The following UVRAG variants were observed in gnomAD, a reference collection of about 807,000 sequenced individuals.
UVRAG encodes the protein UV radiation resistance-associated gene protein.
In UVRAG, 19 loss-of-function variants were observed where a neutral mutation model predicts 78.0. That is an observed-to-expected ratio of 0.24 (90% CI 0.17 to 0.36). UVRAG has a LOEUF of 0.36. UVRAG is among the 10% of genes least tolerant of loss of function. The pLI, the probability that UVRAG is intolerant of heterozygous loss-of-function variation, is 1.00. For missense variants in UVRAG, 740 were observed against 853.8 expected, an observed-to-expected ratio of 0.87 and a Z score of 1.66; for synonymous variants, 323 against 324.6, an observed-to-expected ratio of 1.00 and a Z score of 0.05.
At chr11:75,821,734 T>G (rs1246819086) in intron 1 of UVRAG, among the ~76,000 whole-genome samples, 1 of 152,142 alleles carries the variant, frequency 6.6e-6, no homozygotes, top group African/African-American at 2.4e-5. Context: ...CTCTTAGCTG[T>G]GGCAGTTCCT....
intron 5 of UVRAG, among the ~76,000 whole-genome samples, chr11:75,896,367 A>T (rs916991011): frequency 6.6e-6 from 1 of 152,208 alleles, no homozygotes; most frequent in Non-Finnish European, 1.5e-5. Context: ...TTTGCCTTTA[A>T]TGTATACAGG....
intron 1 of UVRAG, among the ~76,000 whole-genome samples, chr11:75,839,547 G>A (rs1027100574): frequency 6.6e-6 from 1 of 151,634 alleles, no homozygotes; most frequent in African/African-American, 2.4e-5. Context: ...TTTCCCTAGA[G>A]GTTATCTTTG....
At chr11:76,139,166 G>T (rs955670015) in intron 14 of UVRAG, among the ~76,000 whole-genome samples, 2 of 152,104 alleles carry the variant, frequency 1.3e-5, no homozygotes, top group African/African-American at 2.4e-5. Flanking sequence ...ATTAGAAGCC[G>T]TGTGGTTGCC....
chr11:76,004,406 G>A (rs1294266827), intron 9 of UVRAG, among the ~76,000 whole-genome samples: 1 of 151,738 alleles, frequency 6.6e-6, no homozygotes, highest in Non-Finnish European at 1.5e-5. Context: ...TTAGCTTATA[G>A]GTTTTTTTTC....
intron 1 of UVRAG, among the ~76,000 whole-genome samples, chr11:75,845,205 T>G (rs1305967488): frequency 6.6e-6 from 1 of 152,218 alleles, no homozygotes; most frequent in Non-Finnish European, 1.5e-5. Context: ...AGGTAGTGTT[T>G]CAAATATTTT....
intron 6 of UVRAG, among the ~76,000 whole-genome samples, chr11:75,948,370 G>T (rs116664938): frequency 0.018 from 2,694 of 152,254 alleles, 73 homozygotes; most frequent in African/African-American, 0.061. Flanking sequence ...CAGAACCAGG[G>T]TGCTTACAGT....
intron 6 of UVRAG, among the ~76,000 whole-genome samples, chr11:75,956,526 C>T (rs769650909): frequency 7.9e-5 from 12 of 151,958 alleles, no homozygotes; most frequent in Non-Finnish European, 1.2e-4. Context: ...GCTGGGACTA[C>T]GGGCGTATGC....
chr11:76,134,544 G>A (rs906519790), intron 14 of UVRAG, among the ~76,000 whole-genome samples: 5 of 152,150 alleles, frequency 3.3e-5, no homozygotes, highest in Admixed American at 2.6e-4. Context: ...TGCTGTATAA[G>A]AGAAACAGTA....
intron 3 of UVRAG, among the ~76,000 whole-genome samples, chr11:75,875,469 A>G (rs2134847163): frequency 1.4e-5 from 2 of 143,984 alleles, no homozygotes; most frequent in South Asian, 4.4e-4. Flanking sequence ...CCTGTGAATT[A>G]GTTTTTTTTT....
intron 14 of UVRAG, chr11:76,137,376 C>G: frequency 2.2e-6 from 1 of 456,222 alleles, no homozygotes; most frequent in South Asian, 1.5e-5. Context: ...CTTATTGTGT[C>G]ATCGCTCAGT....
At chr11:75,933,148 C>G (rs1047143949) in intron 6 of UVRAG, among the ~76,000 whole-genome samples, 1 of 151,998 alleles carries the variant, frequency 6.6e-6, no homozygotes, top group Non-Finnish European at 1.5e-5. Flanking sequence ...TGGTACTGGC[C>G]TAAAAGCAGA....
intron 3 of UVRAG, among the ~76,000 whole-genome samples, chr11:75,862,110 AT>A (rs1164396821): frequency 3.3e-5 from 5 of 152,174 alleles, no homozygotes; most frequent in African/African-American, 1.2e-4. Flanking sequence ...AAAGAAAAAA[AT>A]ATTTACTGAA....
chr11:75,849,561 G>A (rs1946110706), intron 1 of UVRAG, among the ~76,000 whole-genome samples: 1 of 152,102 alleles, frequency 6.6e-6, no homozygotes. Flanking sequence ...AGAATTAAAT[G>A]TTCACATGTA....
chr11:75,830,295 A>G (rs954000165), intron 1 of UVRAG, among the ~76,000 whole-genome samples: 1 of 151,000 alleles, frequency 6.6e-6, no homozygotes, highest in African/African-American at 2.4e-5. Context: ...TTTTTTTGAG[A>G]CAGTCTCGCT....
chr11:75,853,062 C>T (rs73491741), intron 2 of UVRAG, among the ~76,000 whole-genome samples: 11,652 of 151,976 alleles, frequency 0.077, 1,467 homozygotes, highest in African/African-American at 0.26. Context: ...AGGTGTGAGA[C>T]GCCACTCCAG....
In UVRAG at chr11:75,949,692, CATAT is replaced by C. The variant is rs35234096; in HGVS notation, c.594-11732_594-11729del. 9.3e-4 allele frequency among the ~76,000 whole-genome samples: 130 copies of C among 140,126 alleles called. 1 individual carries two copies. The highest frequency in any genetic ancestry group is 2.6e-3 in the African/African-American group (101 of 38,520). 91.9% of individuals were successfully genotyped at this position (140,126 alleles called of 152,430 possible). A position where few individuals can be genotyped will look rare whatever the true frequency, so the allele number is the denominator to read the frequency against. ...AGTGTAATTTATATACAATAAAATA[CATAT>C]ATATATATATATATATATACACACA... On this transcript the variant is annotated intron_variant, in intron 6 of 14. Transcript: ENST00000356136.
intron 13 of UVRAG, among the ~76,000 whole-genome samples, chr11:76,104,469 A>C (rs1951936328): frequency 6.6e-6 from 1 of 152,188 alleles, no homozygotes; most frequent in South Asian, 2.1e-4. Context: ...GAAATAATAT[A>C]ACATAAAATG....
At chr11:75,865,637 G>A (rs547467908) in intron 3 of UVRAG, among the ~76,000 whole-genome samples, 1 of 148,900 alleles carries the variant, frequency 6.7e-6, no homozygotes, top group South Asian at 2.1e-4. Flanking sequence ...TTTTTGAGAT[G>A]TTGTCTTGCT....
intron 1 of UVRAG, chr11:75,837,595 C>CT (rs1945814026): frequency 6.6e-6 from 1 of 152,006 alleles, no homozygotes; most frequent in Admixed American, 6.6e-5. Flanking sequence ...AAAGAAATCT[C>CT]TAACTGGTTC....
Sources: gnomAD v4.1 joint callset for allele counts (sites outside exome capture counted in the v4.1 genomes callset) on GRCh38, gnomAD v4.1.1 for gene constraint, MANE v1.5 for transcripts, NCBI Gene and HGNC (gene_info 2026-07-23, HGNC 2026-07-21) for gene names.